TRIM71: variants seen among roughly 807,000 people sequenced by gnomAD.
TRIM71 encodes the protein tripartite motif containing 71.
Under a neutral mutation model 61.2 loss-of-function variants are expected in TRIM71, and 9 were observed. That is an observed-to-expected ratio of 0.15 (90% CI 0.09 to 0.26). The LOEUF (loss-of-function observed/expected upper bound fraction) is 0.26, where lower values mean the gene tolerates loss of function less well. Among genes scored for constraint, TRIM71 ranks in the 10% least tolerant of loss-of-function variants. TRIM71 has a pLI of 1.00. For missense variants in TRIM71, 998 were observed against 1,238.7 expected (o/e 0.81, Z 2.92); for synonymous variants, 645 against 553.2 (o/e 1.17, Z -2.33).
chr3:32,826,077 G>C (rs1342874346), intron 1 of TRIM71, among the ~76,000 whole-genome samples: 1 of 152,142 alleles, frequency 6.6e-6, no homozygotes, highest in African/African-American at 2.4e-5. Context: ...GCCATCTCTT[G>C]CCTTCCTCAT....
At position 32,890,888 on chromosome 3, in the gene TRIM71, G is replaced by C. The variant is rs1371029298; in HGVS notation, c.1684G>C (p.Val562Leu). 1.2e-6 allele frequency: 2 copies of C among 1,614,198 alleles called. No homozygotes were observed. The highest frequency in any genetic ancestry group is 1.7e-6 in the Non-Finnish European group (2 of 1,180,034). The stretch of plus-strand genomic sequence containing the variant: ...ACCCCAGCTGGAGGGTGAGCACCTG[G>C]TATCTGTGACACTGTGCAACCAGCA... ...YRPQLEGEHL[V>L]SVTLCNQHIE... Residue 562 changes from valine (V) to leucine (L), a missense_variant, in exon 4 of 4, where the codon GTA (valine) becomes CTA (leucine). By Grantham distance (32) the Val-to-Leu change is conservative (BLOSUM62 1). Coordinates refer to ENST00000383763, the MANE Select transcript of TRIM71 (RefSeq NM_001039111.3). This position sits in a 1 kb window ranked among gnomAD's most constrained non-coding sequence, Gnocchi z 6.2.
At chr3:32,838,629 T>C (rs918198534) in intron 1 of TRIM71, among the ~76,000 whole-genome samples, 2 of 151,246 alleles carry the variant, frequency 1.3e-5, no homozygotes, top group Non-Finnish European at 1.5e-5. Context: ...GCAGTTGATA[T>C]AGGGGAGCTA....
chr3:32,890,326 CTG>C lies in TRIM71; in HGVS notation c.1156-30_1156-29del. ...ATTTTCTGTGCTTGGCTCTAAGCCT[CTG>C]TGTCTTTCTCCACTCTTGCTTTTCC... On this transcript the variant is annotated intron_variant, in intron 3 of 3. Coordinates refer to ENST00000383763, the MANE Select transcript of TRIM71 (RefSeq NM_001039111.3). The surrounding 1 kb of genome is among the most constrained non-coding windows in gnomAD (Gnocchi z 6.2). 1.3e-6 allele frequency: 2 copies of C among 1,591,656 alleles called. No individual in the cohort carries two copies. Among genetic ancestry groups the C allele is most frequent in the Non-Finnish European group, 1.7e-6 (2 of 1,165,526 alleles).
chr3:32,835,933 T>C lies in TRIM71; in HGVS notation c.852+17001T>C, dbSNP rs74433221. Among the ~76,000 whole-genome samples, 1,283 of 152,314 alleles carry C rather than the reference T, an allele frequency of 8.4e-3. 3 individuals carry two copies. Among genetic ancestry groups the C allele is most frequent in the Non-Finnish European group, 0.015 (991 of 68,026 alleles). ...ATAGAGGTTAGTCTTAAAAAACATG[T>C]GTAGGTGCTACCCTGTACTGACTTG... On this transcript the variant is annotated intron_variant, in intron 1 of 3. Coordinates refer to ENST00000383763, the MANE Select transcript of TRIM71 (RefSeq NM_001039111.3).
chr3:32,875,462 C>T (rs956811663), intron 2 of TRIM71, among the ~76,000 whole-genome samples: 7 of 152,228 alleles, frequency 4.6e-5, no homozygotes, highest in East Asian at 1.9e-4. Context: ...TGTTCACCCT[C>T]TAGGAGAAGA....
Position 32,818,296 on chromosome 3 carries a change from G to C in TRIM71, c.216G>C (p.Ala72=), listed in dbSNP as rs756957419. 9 of 1,432,142 alleles carry C rather than the reference G, an allele frequency of 6.3e-6. No homozygotes were observed. In the South Asian group the frequency reaches 1.3e-4, roughly 20 times the overall value. The allele number at this position is 1,432,142 out of a possible 1,614,324, so 88.7% of individuals were successfully genotyped here. Residue 72 remains alanine, a synonymous_variant, in exon 1 of 4, where the codon GCG becomes GCC. Coordinates refer to ENST00000383763, the MANE Select transcript of TRIM71 (RefSeq NM_001039111.3). ...CCTTCTGCCGCCCCTGCCTCGAGGC[G>C]CACCGGCTGCCGGCGGCGGGCGGCG... ...LHAFCRPCLE[A]HRLPAAGGGA...
Position 32,818,792 on chromosome 3 carries a change from A to C in TRIM71, c.712A>C (p.Ile238Leu). 2 of 1,608,178 alleles carry C rather than the reference A, an allele frequency of 1.2e-6. No individual in the cohort carries two copies. The highest frequency in any genetic ancestry group is 1.7e-6 in the Non-Finnish European group (2 of 1,178,008). Residue 238 changes from isoleucine to leucine, a missense_variant, in exon 1 of 4, where the codon ATC (isoleucine) becomes CTC (leucine). Around this residue, in one of 5 missense-constraint regions of TRIM71, gnomAD observed 527 missense variants for 427.8 expected, o/e 1.23. Coordinates refer to ENST00000383763, the MANE Select transcript of TRIM71 (RefSeq NM_001039111.3). The part of the protein sequence containing the change: ...QRVRLTKDHY[I>L]ERGPPGPGAA... ...CGTGCGCCTCACCAAGGACCACTAC[A>C]TCGAGCGCGGCCCGCCGGGTCCCGG...
chr3:32,837,738 G>A (rs561549593), intron 1 of TRIM71, among the ~76,000 whole-genome samples: 2 of 152,172 alleles, frequency 1.3e-5, no homozygotes, highest in Admixed American at 6.5e-5. Flanking sequence ...CCCGGGAGGC[G>A]GAGGCTTCAG....
chr3:32,855,205 A>G (rs1456455707), intron 1 of TRIM71, among the ~76,000 whole-genome samples: 1 of 152,226 alleles, frequency 6.6e-6, no homozygotes, highest in African/African-American at 2.4e-5. Context: ...AGAGGGAACT[A>G]CTGTACTTAA....
chr3:32,869,216 C>T (rs1159522975), intron 1 of TRIM71, among the ~76,000 whole-genome samples: 1 of 152,192 alleles, frequency 6.6e-6, no homozygotes, highest in East Asian at 1.9e-4. Flanking sequence ...CTCAGAAACC[C>T]TCTTGGGTGG....
At chr3:32,864,335 A>G (rs1441275901) in intron 1 of TRIM71, among the ~76,000 whole-genome samples, 4 of 152,240 alleles carry the variant, frequency 2.6e-5, no homozygotes, top group Non-Finnish European at 4.4e-5. Context: ...GGACACCCCA[A>G]GCACAGGTGT....
chr3:32,827,814 A>G (rs1486710611), intron 1 of TRIM71, among the ~76,000 whole-genome samples: 2 of 152,126 alleles, frequency 1.3e-5, no homozygotes, highest in Non-Finnish European at 2.9e-5. Flanking sequence ...AGCCTTTGTA[A>G]ACATCTGTTG....
chr3:32,834,927 TC>T (rs1185849213), intron 1 of TRIM71, among the ~76,000 whole-genome samples: 1 of 152,232 alleles, frequency 6.6e-6, no homozygotes, highest in Non-Finnish European at 1.5e-5. Flanking sequence ...GCATAATTTG[TC>T]TGAATTTAAT....
rs36138060 is a variant in TRIM71 at position 32,855,990 on chromosome 3, T to TTTTATTTA, written c.853-17808_853-17801dup. Reference sequence around the variant, plus strand: ...GAAGGTACCTAGTTTTCTCTAATAGTTTTATTTATTTATTTATTTATTTAT... The same window carrying TTTTATTTA: ...GAAGGTACCTAGTTTTCTCTAATAGTTTTATTTATTTATTTATTTATTTATTTATTTAT... On this transcript the variant is annotated intron_variant, in intron 1 of 3. Coordinates refer to ENST00000383763, the MANE Select transcript of TRIM71 (RefSeq NM_001039111.3). Among the ~76,000 whole-genome samples the TTTTATTTA allele has an allele frequency of 2.4e-3, 358 of 151,126 alleles. 4 individuals carry two copies. In the East Asian group the frequency reaches 0.029, roughly 12 times the overall value.
At chr3:32,826,314 CG>C (rs1002930317) in intron 1 of TRIM71, among the ~76,000 whole-genome samples, 18 of 152,018 alleles carry the variant, frequency 1.2e-4, no homozygotes, top group African/African-American at 4.4e-4. Context: ...AAAAATTAGC[CG>C]GACGAATCCC....
intron 1 of TRIM71, among the ~76,000 whole-genome samples, chr3:32,858,300 C>G (rs1696629038): frequency 6.6e-6 from 1 of 152,178 alleles, no homozygotes; most frequent in Non-Finnish European, 1.5e-5. Flanking sequence ...ACAGTTAAGC[C>G]TAGACATCGT....
At chr3:32,865,972 G>A (rs774425578) in intron 1 of TRIM71, among the ~76,000 whole-genome samples, 11 of 151,616 alleles carry the variant, frequency 7.3e-5, no homozygotes, top group Admixed American at 1.3e-4. Context: ...GATTACTGAT[G>A]CCCGTCACTA....
intron 1 of TRIM71, among the ~76,000 whole-genome samples, chr3:32,860,752 T>TGCCTG (rs549346268): frequency 4.9e-4 from 75 of 152,310 alleles, no homozygotes; most frequent in South Asian, 1.2e-3. Flanking sequence ...TAAAGCAGGC[T>TGCCTG]GCCTGGCCTG....
chr3:32,837,683 G>A (rs1281079492), intron 1 of TRIM71, among the ~76,000 whole-genome samples: 1 of 152,110 alleles, frequency 6.6e-6, no homozygotes, highest in Non-Finnish European at 1.5e-5. Flanking sequence ...GCCAGACGTG[G>A]TGGCACGCAC....
Sources: allele counts gnomAD v4.1 joint callset (sites outside exome capture counted in the v4.1 genomes callset), GRCh38; gene constraint gnomAD v4.1.1; regional missense constraint gnomAD v4.1.1; non-coding constraint Gnocchi (gnomAD v3.1); transcripts MANE v1.5; gene names NCBI Gene and HGNC (gene_info 2026-07-23, HGNC 2026-07-21).